ESPNL: variants seen among roughly 807,000 people sequenced by gnomAD.
ESPNL encodes espin-like protein.
ESPNL carries 49 observed loss-of-function variants against 46.8 expected under a neutral mutation model. That is an observed-to-expected ratio of 1.05 (90% confidence interval 0.83 to 1.33). ESPNL has a LOEUF of 1.33. Ranked by LOEUF, ESPNL falls within the 40% of genes most tolerant of loss-of-function variation. ESPNL has a pLI of 0.00. For synonymous variants in ESPNL, 664 were observed against 662.1 expected (o/e 1.00, Z -0.04); for missense variants, 1,540 against 1,436.6 (o/e 1.07, Z -1.16).
At chr2:238,102,979 C>T (rs572568018) in intron 2 of ESPNL, among the ~76,000 whole-genome samples, 5 of 152,214 alleles carry the variant, frequency 3.3e-5, no homozygotes, top group Admixed American at 6.5e-5. Flanking sequence ...TTCTCATTCC[C>T]GGGTGTTCCC....
chr2:238,105,848 C>G (rs907893986), intron 3 of ESPNL, among the ~76,000 whole-genome samples: 1 of 152,080 alleles, frequency 6.6e-6, no homozygotes, highest in African/African-American at 2.4e-5. Flanking sequence ...TGCCCCCAGA[C>G]CTCCCATGCT....
At chr2:238,124,565 A>G (rs1040651120) in intron 5 of ESPNL, among the ~76,000 whole-genome samples, 2 of 151,496 alleles carry the variant, frequency 1.3e-5, no homozygotes, top group African/African-American at 4.9e-5. Context: ...GCGTGTGTGC[A>G]GGAGAGTACG....
chr2:238,116,253 C>G (rs1273252335), intron 4 of ESPNL, among the ~76,000 whole-genome samples: 1 of 152,228 alleles, frequency 6.6e-6, no homozygotes. Context: ...CTGTGGACTC[C>G]CTCCCCAGCT....
At chr2:238,106,982 T>A (rs532205595) in intron 3 of ESPNL, among the ~76,000 whole-genome samples, 2 of 152,348 alleles carry the variant, frequency 1.3e-5, no homozygotes, top group African/African-American at 2.4e-5. Context: ...GGCGACGGGC[T>A]GCTGGCGGCT....
At chr2:238,112,772 A>G (rs1241290876) in intron 4 of ESPNL, among the ~76,000 whole-genome samples, 1 of 152,238 alleles carries the variant, frequency 6.6e-6, no homozygotes, top group East Asian at 1.9e-4. Context: ...TTAATTTCCA[A>G]ATACGAAGGT....
At chr2:238,121,330 C>T (rs1691983997) in intron 5 of ESPNL, among the ~76,000 whole-genome samples, 1 of 152,204 alleles carries the variant, frequency 6.6e-6, no homozygotes, top group Non-Finnish European at 1.5e-5. Context: ...CAGGGCTGTC[C>T]CACTCACCCC....
At chr2:238,127,537 T>A in intron 6 of ESPNL, 85 bp from the exon 7 acceptor site, 1 of 1,482,624 alleles carries the variant, frequency 6.7e-7, no homozygotes, top group Non-Finnish European at 9.0e-7. Context: ...AGGTCAGCTC[T>A]GCCCCCAGGG....
At position 238,114,859 on chromosome 2, in the gene ESPNL, G is replaced by A. The variant is rs942480471; in HGVS notation, c.856-2044G>A. Among the ~76,000 whole-genome samples the A allele has an allele frequency of 2.0e-5, 3 of 152,206 alleles. No individual in the cohort carries two copies. The highest frequency in any genetic ancestry group is 4.8e-5 in the African/African-American group (2 of 41,446). On this transcript the variant is annotated intron_variant, in intron 4 of 8. Transcript: ENST00000343063. The surrounding 1 kb of genome is among the most constrained non-coding windows in gnomAD (Gnocchi z 5.0). The stretch of plus-strand genomic sequence containing the variant: ...CTATGGGTGGCAGCTTTCGCACCAC[G>A]ACCAGGGTTGCATATTTGTGCCAGA...
At chr2:238,111,607 G>A (rs144746087) in intron 4 of ESPNL, among the ~76,000 whole-genome samples, 7 of 152,266 alleles carry the variant, frequency 4.6e-5, no homozygotes, top group African/African-American at 1.4e-4. Flanking sequence ...CTGTTGTAAC[G>A]CATCAGAATT....
In ESPNL at chr2:238,132,188, G is replaced by A. The variant is rs1692358170; in HGVS notation, c.*456G>A. 1 of 161,826 alleles carries A rather than the reference G, an allele frequency of 6.2e-6. No homozygotes were observed. Among genetic ancestry groups the A allele is most frequent in the Admixed American group, 5.9e-5 (1 of 16,896 alleles). The allele number at this position is 161,826 out of a possible 1,614,324, so 10.0% of individuals were successfully genotyped here. A position where few individuals can be genotyped will look rare whatever the true frequency, so the allele number is the denominator to read the frequency against. On this transcript the variant is annotated 3_prime_UTR_variant, in exon 9 of 9. Transcript: ENST00000343063. ...CCCCTGTTTCTCCTGCTGACCTTGG[G>A]TCACACCCCTTCACCTCCCATCTGT...
rs765600820 is a variant in ESPNL at position 238,131,488 on chromosome 2, G to A, written c.2774G>A (p.Arg925His). The stretch of plus-strand genomic sequence containing the variant: ...GACGGCTTCGAGGACATCAAAGCCC[G>A]CTTCTTTGGCTCCAGCCAGCGTCCC... ...WTDGFEDIKA[R>H]FFGSSQRPAW... Residue 925 changes from arginine (R) to histidine (H), a missense_variant, in exon 9 of 9, where the codon CGC becomes CAC. By Grantham distance (29) the Arg-to-His change is conservative. Transcript: ENST00000343063. The A allele has an allele frequency of 4.5e-5, 73 of 1,611,656 alleles. No homozygotes were observed. The highest frequency in any genetic ancestry group is 1.6e-4 in the Middle Eastern group (1 of 6,080).
chr2:238,130,683 G>C lies in ESPNL; in HGVS notation c.1969G>C (p.Gly657Arg). Residue 657 changes from glycine (G) to arginine (R), a missense_variant, in exon 9 of 9, where the codon GGC becomes CGC. By Grantham distance (125) the Gly-to-Arg change is moderately radical. Transcript: ENST00000343063. ...EWGVSVRTLR[G>R]NFESASGPLC... ...GGGGGTGTCTGTGCGGACGCTGCGG[G>C]GCAACTTCGAGTCGGCCTCTGGCCC... is the stretch of plus-strand genomic sequence containing the variant. 6.4e-7 allele frequency: 1 copy of C among 1,563,194 alleles called. No individual in the cohort carries two copies. Among genetic ancestry groups the C allele is most frequent in the Non-Finnish European group, 8.7e-7 (1 of 1,154,842 alleles).
intron 6 of ESPNL, among the ~76,000 whole-genome samples, chr2:238,125,872 CG>C (rs1321359149): frequency 1.3e-5 from 2 of 152,138 alleles, no homozygotes; most frequent in Non-Finnish European, 2.9e-5. Context: ...GGCCCTGCTG[CG>C]GCCCTGTACT....
rs1354178908 is a variant in ESPNL, at chr2:238,100,705, G to T, written c.286G>T (p.Gly96Cys). 2.1e-6 allele frequency: 3 copies of T among 1,419,404 alleles called. No individual in the cohort carries two copies. The African/African-American group carries it at 4.5e-5, about 21-fold the overall frequency. 87.9% of individuals were successfully genotyped at this position (1,419,404 alleles called of 1,614,324 possible). The change falls in exon 1 of 9, where the codon GGT becomes TGT. Residue 96 changes from glycine (G) to cysteine (C), a missense_variant. Gly to Cys is a radical substitution (Grantham distance 159). Transcript: ENST00000343063. ...LCWLVREGGC[G>C]LQDQDASGVS... ...CTGGCTGGTCCGCGAGGGGGGCTGC[G>T]GTCTGCAGGTGAGCGGGGATGGGGC...
rs531582062 is a variant in ESPNL at position 238,124,838 on chromosome 2, T to C, written c.988-432T>C. 2.6e-3 allele frequency among the ~76,000 whole-genome samples: 398 copies of C among 151,808 alleles called. 5 individuals carry two copies. Among genetic ancestry groups the C allele is most frequent in the African/African-American group, 9.3e-3 (386 of 41,322 alleles). On this transcript the variant is annotated intron_variant, in intron 5 of 8. Transcript: ENST00000343063. ...ACGTGCATGTGTGCAGGAGAGTACATGCATGTGTGTGCAGGAGAGCATACA... is the reference window on the plus strand; with the variant it reads ...ACGTGCATGTGTGCAGGAGAGTACACGCATGTGTGTGCAGGAGAGCATACA...
At chr2:238,113,970 C>T (rs1260093093) in intron 4 of ESPNL, among the ~76,000 whole-genome samples, 2 of 152,194 alleles carry the variant, frequency 1.3e-5, no homozygotes, top group African/African-American at 4.8e-5. Flanking sequence ...GGCCGTGTCA[C>T]TCCTGACTTC....
intron 2 of ESPNL, among the ~76,000 whole-genome samples, chr2:238,104,107 C>T (rs888584252): frequency 6.6e-6 from 1 of 152,174 alleles, no homozygotes; most frequent in East Asian, 1.9e-4. Flanking sequence ...GCTTCCCCTC[C>T]TGAGAGGGGA....
At position 238,131,808 on chromosome 2, in the gene ESPNL, C is replaced by CCCTTGGT; in HGVS notation, c.*77_*83dup. 1 of 1,487,004 alleles carries CCCTTGGT rather than the reference C, an allele frequency of 6.7e-7. No homozygotes were observed. Among genetic ancestry groups the CCCTTGGT allele is most frequent in the Non-Finnish European group, 9.1e-7 (1 of 1,102,108 alleles). 92.1% of individuals were successfully genotyped at this position (1,487,004 alleles called of 1,614,324 possible). On this transcript the variant is annotated 3_prime_UTR_variant, in exon 9 of 9. Transcript: ENST00000343063. ...TTCTCTTTTCTTTTCCTTGCTCACA[C>CCCTTGGT]CCTTGGTGTTCAGGTGAGCCGGGCA...
intron 4 of ESPNL, among the ~76,000 whole-genome samples, chr2:238,111,348 G>T (rs995864535): frequency 6.6e-6 from 1 of 152,114 alleles, no homozygotes; most frequent in Non-Finnish European, 1.5e-5. Context: ...CTTCAGCAGC[G>T]CTAAGTCTGT....
Sources: gnomAD v4.1 joint callset for allele counts (sites outside exome capture counted in the v4.1 genomes callset) on GRCh38, gnomAD v4.1.1 for gene constraint, Gnocchi (gnomAD v3.1) non-coding constraint, MANE v1.5 for transcripts, NCBI Gene and HGNC (gene_info 2026-07-23, HGNC 2026-07-21) for gene names.